Variants in SNX30 observed in about 807,000 individuals in gnomAD.
SNX30 encodes the protein sorting nexin family member 30, also known as sorting nexin-30.
Under a neutral mutation model 46.4 loss-of-function variants are expected in SNX30, and 24 were observed. The observed-to-expected ratio is 0.52, with a 90% CI of 0.37 to 0.73. The LOEUF is 0.73. Ranked by LOEUF, SNX30 falls within the 30% of genes least tolerant of loss-of-function variation. SNX30 has a pLI of 0.00. For synonymous variants in SNX30, 189 were observed against 211.5 expected, an observed-to-expected ratio of 0.89 and a Z score of 0.92; for missense variants, 533 against 555.7, an observed-to-expected ratio of 0.96 and a Z score of 0.41.
intron 8 of SNX30, among the ~76,000 whole-genome samples, chr9:112,865,365 C>T (rs1040573614): frequency 2.9e-4 from 44 of 151,934 alleles, no homozygotes; most frequent in Admixed American, 9.2e-4. Flanking sequence ...GGCTCACGCC[C>T]GTAATCCCAG....
intron 4 of SNX30, among the ~76,000 whole-genome samples, chr9:112,831,923 A>G (rs1252070795): frequency 6.6e-6 from 1 of 152,106 alleles, no homozygotes; most frequent in Admixed American, 6.5e-5. Context: ...TCATATTCCC[A>G]TGTTCAGGCC....
Position 112,864,351 on chromosome 9 carries a change from G to A in SNX30, c.1206G>A (p.Arg402=), listed in dbSNP as rs938087850. The A allele has an allele frequency of 4.3e-6, 7 of 1,614,108 alleles. No homozygotes were observed. The African/African-American group carries it at 9.3e-5, about 22-fold the overall frequency. ...RWQNNKRQDF[R]QLLMGMADKN... is the part of the protein sequence containing the mutation. ...AGAACAACAAGAGGCAGGACTTCCG[G>A]CAGCTACTCATGGGGATGGCTGACA... The change falls in exon 8 of 9, where the codon CGG becomes CGA. Residue 402 remains arginine (R), a synonymous_variant. Transcript: ENST00000374232.
In SNX30 at chr9:112,830,965, G is replaced by A. The variant is rs925739834; in HGVS notation, c.618+82G>A. ...CTAAAAGCTGTTTTGAGCAGGACTC[G>A]GTCTCTACAAAAACTTTTAACAAAT... is the stretch of plus-strand genomic sequence containing the variant. On this transcript the variant is annotated intron_variant, in intron 4 of 8. Transcript: ENST00000374232. The A allele has an allele frequency of 3.0e-5, 42 of 1,388,128 alleles. No individual in the cohort carries two copies. The Admixed American group carries it at 3.3e-4, about 11-fold the overall frequency. 86.0% of individuals were successfully genotyped at this position (1,388,128 alleles called of 1,614,324 possible). A position where few individuals can be genotyped will look rare whatever the true frequency, so the allele number is the denominator to read the frequency against.
chr9:112,759,573 C>T (rs1839405968), intron 1 of SNX30, among the ~76,000 whole-genome samples: 1 of 152,034 alleles, frequency 6.6e-6, no homozygotes, highest in African/African-American at 2.4e-5. Flanking sequence ...ACTAAAAATA[C>T]AAAAAGTTAG....
chr9:112,846,380 T>C (rs546847733), intron 6 of SNX30, among the ~76,000 whole-genome samples: 2 of 152,356 alleles, frequency 1.3e-5, no homozygotes, highest in South Asian at 4.1e-4. Context: ...GTGGTTTCAG[T>C]GTTACCAACA....
chr9:112,750,551 G>T (rs1839246676), upstream of SNX30: 1 of 152,340 alleles, frequency 6.6e-6, no homozygotes, highest in African/African-American at 2.4e-5. Flanking sequence ...CCTCCGCGAG[G>T]CAACGTTGGA....
chr9:112,817,672 T>C, intron 2 of SNX30, 33 bp from the exon 3 acceptor site: 1 of 1,284,684 alleles, frequency 7.8e-7, no homozygotes, highest in South Asian at 1.2e-5. Flanking sequence ...GCTATTCCCT[T>C]ATGCTTATTT....
chr9:112,805,954 C>CTTATAAAAGAATAA (rs1840218660), intron 2 of SNX30, among the ~76,000 whole-genome samples: 1 of 152,160 alleles, frequency 6.6e-6, no homozygotes, highest in Non-Finnish European at 1.5e-5. Flanking sequence ...CATAATTCCA[C>CTTATAAAAGAATAA]TTATAAAAGA....
At chr9:112,783,744 T>G (rs1839879623) in intron 1 of SNX30, among the ~76,000 whole-genome samples, 1 of 152,218 alleles carries the variant, frequency 6.6e-6, no homozygotes, top group African/African-American at 2.4e-5. Flanking sequence ...CCTCCTTAAA[T>G]GGACTATGGT....
intron 3 of SNX30, among the ~76,000 whole-genome samples, chr9:112,826,413 A>G (rs1588129337): frequency 1.3e-5 from 2 of 152,216 alleles, no homozygotes; most frequent in East Asian, 3.9e-4. Flanking sequence ...GCCAGGAAGG[A>G]CAAGGGAGAA....
intron 1 of SNX30, among the ~76,000 whole-genome samples, chr9:112,790,989 G>T (rs373157861): frequency 6.6e-6 from 1 of 152,216 alleles, no homozygotes; most frequent in African/African-American, 2.4e-5. Context: ...AGTGGACATG[G>T]CTTTGTGATT....
At chr9:112,797,027 A>T (rs574172250) in intron 1 of SNX30, among the ~76,000 whole-genome samples, 1 of 152,180 alleles carries the variant, frequency 6.6e-6, no homozygotes, top group African/African-American at 2.4e-5. Flanking sequence ...CCATGGTGTC[A>T]TGTCACTTTC....
intron 1 of SNX30, among the ~76,000 whole-genome samples, chr9:112,789,238 G>C (rs1375034012): frequency 1.3e-5 from 2 of 152,190 alleles, no homozygotes; most frequent in Non-Finnish European, 2.9e-5. Flanking sequence ...AGCAGAGGAA[G>C]AATTTTTGTG....
At position 112,761,796 on chromosome 9, in the gene SNX30, C is replaced by T. The variant is rs556068330; in HGVS notation, c.156+10639C>T. Among the ~76,000 whole-genome samples the T allele has an allele frequency of 3.9e-5, 6 of 152,164 alleles. No individual in the cohort carries two copies. The East Asian group carries it at 1.2e-3, about 29-fold the overall frequency. On this transcript the variant is annotated intron_variant, in intron 1 of 8. Coordinates refer to ENST00000374232, the MANE Select transcript of SNX30 (RefSeq NM_001012994.2). The stretch of plus-strand genomic sequence containing the variant: ...GATGCCTGAAGGCCACTGTTGCAAG[C>T]CTACTCAAACTTCAAGGCTCAAACA...
At chr9:112,782,664 G>T (rs1257152335) in intron 1 of SNX30, among the ~76,000 whole-genome samples, 4 of 68,786 alleles carry the variant, frequency 5.8e-5, no homozygotes, top group African/African-American at 1.9e-4. Flanking sequence ...ACTCTTTGAA[G>T]TTCCATAGTT....
At chr9:112,805,222 ATTT>A (rs56049152) in intron 2 of SNX30, among the ~76,000 whole-genome samples, 10,607 of 151,920 alleles carry the variant, frequency 0.07, 460 homozygotes, top group Non-Finnish European at 0.099. Flanking sequence ...ACTTGCGCTT[ATTT>A]TTTTTTTTAC....
At chr9:112,795,255 A>G (rs1363480824) in intron 1 of SNX30, among the ~76,000 whole-genome samples, 1 of 152,156 alleles carries the variant, frequency 6.6e-6, no homozygotes, top group African/African-American at 2.4e-5. Context: ...CTGCTTCCAT[A>G]TACTAACTAA....
At position 112,873,281 on chromosome 9, in the gene SNX30, A is replaced by G. The variant is rs1162149795; in HGVS notation, c.*4438A>G. The G allele has an allele frequency of 2.6e-5, 4 of 152,224 alleles. No homozygotes were observed. Among genetic ancestry groups the G allele is most frequent in the Non-Finnish European group, 1.5e-5 (1 of 68,034 alleles). The allele number at this position is 152,224 out of a possible 1,614,324, so 9.4% of individuals were successfully genotyped here. A position where few individuals can be genotyped will look rare whatever the true frequency, so the allele number is the denominator to read the frequency against. ...CCAATAAGATATTTGTCTCCTATAT[A>G]AACATTCTGTGTATTTAGCACTTGA... On this transcript the variant is annotated 3_prime_UTR_variant, in exon 9 of 9. Coordinates refer to ENST00000374232, the MANE Select transcript of SNX30 (RefSeq NM_001012994.2).
In SNX30 at chr9:112,817,823, G is replaced by GT; in HGVS notation, c.459+9dup. On this transcript the variant is annotated intron_variant, in intron 3 of 8. Transcript: ENST00000374232. Reference sequence around the variant, plus strand: ...CCCACTCATCTCATTCCCGTAGGTAGTAAGTCACTACAGCTTGTTTCTCAC... The same window carrying GT: ...CCCACTCATCTCATTCCCGTAGGTAGTTAAGTCACTACAGCTTGTTTCTCAC... 1 of 1,570,258 alleles carries GT rather than the reference G, an allele frequency of 6.4e-7. No homozygotes were observed. Among genetic ancestry groups the GT allele is most frequent in the Non-Finnish European group, 8.8e-7 (1 of 1,139,950 alleles).
Sources: allele counts gnomAD v4.1 joint callset (sites outside exome capture counted in the v4.1 genomes callset), GRCh38; gene constraint gnomAD v4.1.1; transcripts MANE v1.5; gene names NCBI Gene and HGNC (gene_info 2026-07-23, HGNC 2026-07-21).